Variants in USP32 observed in about 807,000 individuals in gnomAD.
USP32 encodes ubiquitin carboxyl-terminal hydrolase 32.
Under a neutral mutation model 204.8 loss-of-function variants are expected in USP32, and 59 were observed. The ratio of observed to expected loss-of-function variants is 0.29; its 90% CI spans 0.23 to 0.36. The LOEUF is 0.36. Among genes scored for constraint, USP32 ranks in the 10% least tolerant of loss-of-function variants. The probability of loss-of-function intolerance (pLI) is 1.00; values close to 1 mark genes in which losing one functional copy is unlikely to be tolerated. For synonymous variants in USP32, 517 were observed against 678.4 expected (o/e 0.76, Z 3.70); for missense variants, 1,160 against 1,946.4 (o/e 0.60, Z 7.60).
intron 1 of USP32, among the ~76,000 whole-genome samples, chr17:60,370,394 A>C (rs1349976597): frequency 6.6e-6 from 1 of 152,186 alleles, no homozygotes; most frequent in Non-Finnish European, 1.5e-5. Context: ...CAATTAGCAA[A>C]GAATTTTTTG....
At position 60,369,081 on chromosome 17, in the gene USP32, G is replaced by C. The variant is rs373726178; in HGVS notation, c.58+22801C>G. 3.1e-3 allele frequency among the ~76,000 whole-genome samples: 387 copies of C among 126,824 alleles called. 3 individuals are homozygous for C. The highest frequency in any genetic ancestry group is 4.1e-3 in the Non-Finnish European group (273 of 65,796). The allele number at this position is 126,824 out of a possible 152,430, so 83.2% of individuals were successfully genotyped here. On this transcript the variant is annotated intron_variant, in intron 1 of 33. Coordinates refer to ENST00000300896, the MANE Select transcript of USP32 (RefSeq NM_032582.4). ...GGGATCTCGGCTCACTGCAAGCTCCGCCTCCCGGGTTCACGCCATTCTCCT... is the reference window on the plus strand; with the variant it reads ...GGGATCTCGGCTCACTGCAAGCTCCCCCTCCCGGGTTCACGCCATTCTCCT...
At chr17:60,201,661 T>C (rs141622337) in intron 26 of USP32, among the ~76,000 whole-genome samples, 1 of 140,308 alleles carries the variant, frequency 7.1e-6, no homozygotes. Context: ...TCGTTGATCA[T>C]TTTTTTTTTT....
chr17:60,419,699 T>C (rs1311168303), intron 1 of USP32, among the ~76,000 whole-genome samples: 8 of 149,342 alleles, frequency 5.4e-5, no homozygotes, highest in African/African-American at 9.9e-5. Context: ...CGCCACTGCA[T>C]TCCAGCCTGG....
chr17:60,253,620 G>C (rs533462748), intron 10 of USP32, among the ~76,000 whole-genome samples: 1 of 152,052 alleles, frequency 6.6e-6, no homozygotes, highest in South Asian at 2.1e-4. Flanking sequence ...ACAAAAATTA[G>C]CTGGGGGTGG....
At chr17:60,345,703 T>C in intron 1 of USP32, 95 bp from the exon 2 acceptor site, 11 of 1,524,746 alleles carry the variant, frequency 7.2e-6, no homozygotes, top group Non-Finnish European at 9.0e-6. Context: ...AAATTGAGGC[T>C]AGGCACAGTG....
At chr17:60,276,967 A>AT (rs1555606786) in intron 5 of USP32, among the ~76,000 whole-genome samples, 11 of 141,336 alleles carry the variant, frequency 7.8e-5, no homozygotes, top group African/African-American at 3.1e-4. Flanking sequence ...ATATATATAT[A>AT]AAATTACCAA....
intron 16 of USP32, among the ~76,000 whole-genome samples, chr17:60,216,438 C>T (rs569532745): frequency 3.3e-5 from 5 of 152,128 alleles, no homozygotes; most frequent in African/African-American, 1.2e-4. Flanking sequence ...ATATAATGTA[C>T]ATTCCAAATA....
At chr17:60,395,982 G>A (rs1332384365), upstream of USP32, among the ~76,000 whole-genome samples, 1 of 146,376 alleles carries the variant, frequency 6.8e-6, no homozygotes, top group Non-Finnish European at 1.5e-5. Flanking sequence ...TGATTTTTCA[G>A]TATTATGGAC....
chr17:60,313,980 G>T (rs975833219), intron 2 of USP32, among the ~76,000 whole-genome samples: 1 of 150,986 alleles, frequency 6.6e-6, no homozygotes, highest in Admixed American at 6.6e-5. Context: ...ATAAAAACTG[G>T]TATACAAGAA....
intron 16 of USP32, among the ~76,000 whole-genome samples, chr17:60,218,554 G>A (rs2085163844): frequency 6.6e-6 from 1 of 151,950 alleles, no homozygotes; most frequent in South Asian, 2.1e-4. Context: ...ATAATAACAT[G>A]CTGGTATTGT....
At chr17:60,315,987 C>T (rs1047660900) in intron 2 of USP32, 2 of 170,374 alleles carry the variant, frequency 1.2e-5, no homozygotes, top group Non-Finnish European at 2.5e-5. Flanking sequence ...TGACACTGAA[C>T]CTTATCACAA....
chr17:60,342,930 C>T (rs907779513), intron 2 of USP32, among the ~76,000 whole-genome samples: 1 of 152,174 alleles, frequency 6.6e-6, no homozygotes, highest in Non-Finnish European at 1.5e-5. Context: ...GTGGGCTGCA[C>T]CCATTGTCCA....
At chr17:60,264,857 CAAAAAA>C (rs34027846) in intron 9 of USP32, among the ~76,000 whole-genome samples, 5 of 43,518 alleles carry the variant, frequency 1.1e-4, no homozygotes, top group Admixed American at 5.5e-4. Context: ...AAGACTCTGT[CAAAAAA>C]AAAAAAAAAA....
intron 1 of USP32, among the ~76,000 whole-genome samples, chr17:60,385,611 G>A (rs1422316663): frequency 2.0e-5 from 3 of 152,108 alleles, no homozygotes; most frequent in Admixed American, 1.3e-4. Flanking sequence ...GGAGGCCAGC[G>A]TAGGTGGATA....
At chr17:60,235,797 C>T (rs1434636642) in intron 12 of USP32, among the ~76,000 whole-genome samples, 1 of 152,188 alleles carries the variant, frequency 6.6e-6, no homozygotes, top group Non-Finnish European at 1.5e-5. Context: ...CTTTCAGCAC[C>T]AGGTTCCCCA....
intron 1 of USP32, among the ~76,000 whole-genome samples, chr17:60,347,010 GA>G (rs1218468020): frequency 1.3e-5 from 2 of 151,844 alleles, no homozygotes; most frequent in Non-Finnish European, 2.9e-5. Context: ...AGGCAGACGA[GA>G]AAAAAACACA....
chr17:60,260,532 A>G (rs57142047), intron 9 of USP32, among the ~76,000 whole-genome samples: 10,088 of 151,690 alleles, frequency 0.067, 1,195 homozygotes, highest in African/African-American at 0.23. Context: ...AAAAAAAAAA[A>G]ATACAGGAAT....
chr17:60,322,231 G>A (rs980379484), intron 2 of USP32, among the ~76,000 whole-genome samples: 15 of 151,846 alleles, frequency 9.9e-5, no homozygotes, highest in Non-Finnish European at 1.6e-4. Context: ...GGCTTGCCTC[G>A]AACTCCTAGG....
At chr17:60,244,897 G>C (rs796222557) in intron 11 of USP32, among the ~76,000 whole-genome samples, 5 of 152,356 alleles carry the variant, frequency 3.3e-5, no homozygotes, top group African/African-American at 9.6e-5. Flanking sequence ...CTCCCAAAGA[G>C]CTGGGATTAC....
Sources: gnomAD v4.1 joint callset for allele counts (sites outside exome capture counted in the v4.1 genomes callset) on GRCh38, gnomAD v4.1.1 for gene constraint, MANE v1.5 for transcripts, NCBI Gene and HGNC (gene_info 2026-07-23, HGNC 2026-07-21) for gene names.